KCNAB2: variants seen among roughly 807,000 people sequenced by gnomAD.
KCNAB2 encodes potassium voltage-gated channel subfamily A regulatory beta subunit 2.
KCNAB2 carries 29 observed loss-of-function variants against 63.6 expected under a neutral mutation model. The observed-to-expected ratio is 0.46, with a 90% CI of 0.34 to 0.62. KCNAB2 has a LOEUF of 0.62. Among genes scored for constraint, KCNAB2 ranks in the 20% least tolerant of loss-of-function variants. KCNAB2 has a pLI of 0.01. For synonymous variants in KCNAB2, 222 were observed against 224.2 expected (o/e 0.99, Z 0.09); for missense variants, 359 against 563.9 (o/e 0.64, Z 3.68).
At chr1:6,092,155 G>GTT (rs543835184) in intron 10 of KCNAB2, among the ~76,000 whole-genome samples, 7 of 152,348 alleles carry the variant, frequency 4.6e-5, no homozygotes, top group African/African-American at 1.7e-4. Flanking sequence ...TCCTACTTCC[G>GTT]TTCAACCCCA....
rs556886212 is a variant in KCNAB2 at position 6,099,588 on chromosome 1, G to A, written c.*1014G>A. 1.7e-5 allele frequency: 10 copies of A among 589,280 alleles called. No individual in the cohort carries two copies. Among genetic ancestry groups the A allele is most frequent in the African/African-American group, 9.4e-5 (5 of 53,286 alleles). 36.5% of individuals were successfully genotyped at this position (589,280 alleles called of 1,614,324 possible). ...GCCCCTGTAGACTTTCTCTAAAGCC[G>A]CCCGCCAGCCCAGGCCGCTGCTCTG... On this transcript the variant is annotated 3_prime_UTR_variant, in exon 16 of 16. Coordinates refer to ENST00000378083, the MANE Select transcript of KCNAB2 (RefSeq NM_001199862.2).
At chr1:6,088,939 A>G (rs1011277890) in intron 7 of KCNAB2, 69 bp from the exon 8 acceptor site, 1 of 1,434,340 alleles carries the variant, frequency 7.0e-7, no homozygotes, top group East Asian at 2.5e-5. Flanking sequence ...TGCATCGTAA[A>G]CGTTTTTTGG....
chr1:6,040,445 C>A (rs971454534), intron 1 of KCNAB2: 3 of 814,404 alleles, frequency 3.7e-6, no homozygotes, highest in Non-Finnish European at 6.3e-6. Flanking sequence ...ATCCCAGAGT[C>A]TCCCGGCCAA....
chr1:6,079,543 C>G (rs1664018600), intron 4 of KCNAB2, among the ~76,000 whole-genome samples: 1 of 151,938 alleles, frequency 6.6e-6, no homozygotes, highest in African/African-American at 2.4e-5. Context: ...TAACCCCAGT[C>G]TTGGATATTC....
rs1454200238 is a variant in KCNAB2, at chr1:6,100,678, A to C, written c.*2104A>C. The C allele has an allele frequency of 3.3e-5, 5 of 152,294 alleles. No individual in the cohort carries two copies. Among genetic ancestry groups the C allele is most frequent in the African/African-American group, 4.8e-5 (2 of 41,468 alleles). The allele number at this position is 152,294 out of a possible 1,614,324, so 9.4% of individuals were successfully genotyped here. On this transcript the variant is annotated 3_prime_UTR_variant, in exon 16 of 16. Transcript: ENST00000378083. Reference sequence around the variant, plus strand: ...GCCAAACACAGAGAGGCCAGGCCCCAGTGTCAGGATGCAGTCAGCCTCTGG... The same window carrying C: ...GCCAAACACAGAGAGGCCAGGCCCCCGTGTCAGGATGCAGTCAGCCTCTGG...
intron 2 of KCNAB2, among the ~76,000 whole-genome samples, chr1:6,059,699 A>G (rs1662144944): frequency 6.6e-6 from 1 of 152,156 alleles, no homozygotes; most frequent in South Asian, 2.1e-4. Flanking sequence ...GGAGAGTTGC[A>G]TGGGAAACAG....
intron 4 of KCNAB2, 22 bp from the exon 5 acceptor site, chr1:6,082,173 A>C (rs777546989): frequency 1.2e-6 from 2 of 1,606,284 alleles, no homozygotes; most frequent in East Asian, 2.2e-5. Flanking sequence ...CTGGCAGGAC[A>C]GTGTCGGTTT....
chr1:6,094,830 G>A (rs948908417), intron 11 of KCNAB2, among the ~76,000 whole-genome samples: 1 of 152,242 alleles, frequency 6.6e-6, no homozygotes, highest in Non-Finnish European at 1.5e-5. Context: ...ATGCCCTGGA[G>A]CTCAGCAAGC....
At chr1:6,075,687 G>A (rs540200450) in intron 4 of KCNAB2, among the ~76,000 whole-genome samples, 2 of 152,372 alleles carry the variant, frequency 1.3e-5, no homozygotes, top group African/African-American at 4.8e-5. Context: ...AGGGAAGCAA[G>A]GACCGTCCTG....
chr1:6,079,684 C>T (rs2871871), intron 4 of KCNAB2, among the ~76,000 whole-genome samples: 15,100 of 152,080 alleles, frequency 0.099, 862 homozygotes, highest in African/African-American at 0.13. Context: ...TTCATAAATA[C>T]CAGAGAATGA....
intron 1 of KCNAB2, among the ~76,000 whole-genome samples, chr1:6,021,437 A>C (rs962460061): frequency 6.6e-6 from 1 of 152,236 alleles, no homozygotes; most frequent in Non-Finnish European, 1.5e-5. Context: ...GTAAAGGTAC[A>C]TATAAAATGT....
rs1260757385 is a variant in KCNAB2, at chr1:6,096,215, C to T, written c.949-421C>T. On this transcript the variant is annotated intron_variant, in intron 13 of 15. Coordinates refer to ENST00000378083, the MANE Select transcript of KCNAB2 (RefSeq NM_001199862.2). This position sits in a 1 kb window ranked among gnomAD's most constrained non-coding sequence, Gnocchi z 5.9. Reference sequence around the variant, plus strand: ...CCATCCCATGGCAAGGTCAGGGCCCCCCTCCAGGAGGCCCTGCAATCCTCT... The same window carrying T: ...CCATCCCATGGCAAGGTCAGGGCCCTCCTCCAGGAGGCCCTGCAATCCTCT... The T allele has an allele frequency of 2.2e-6, 1 of 454,100 alleles. No homozygotes were observed. The highest frequency in any genetic ancestry group is 4.4e-6 in the Non-Finnish European group (1 of 227,084). 28.1% of individuals were successfully genotyped at this position (454,100 alleles called of 1,614,324 possible).
At chr1:6,058,752 G>C (rs1194012221) in intron 2 of KCNAB2, among the ~76,000 whole-genome samples, 1 of 152,276 alleles carries the variant, frequency 6.6e-6, no homozygotes, top group African/African-American at 2.4e-5. Context: ...CAGGAGGAGG[G>C]AGGGAGGCGA....
At chr1:6,077,157 G>A (rs1485067448) in intron 4 of KCNAB2, among the ~76,000 whole-genome samples, 1 of 151,900 alleles carries the variant, frequency 6.6e-6, no homozygotes, top group Non-Finnish European at 1.5e-5. Context: ...CTGCACTCCA[G>A]CCTGGATGAC....
chr1:6,032,762 G>A (rs185275568), upstream of KCNAB2, among the ~76,000 whole-genome samples: 10 of 152,278 alleles, frequency 6.6e-5, 1 homozygote, highest in Middle Eastern at 3.4e-3. Flanking sequence ...CTGCCTGGAC[G>A]CATGAAAAGG....
chr1:6,087,661 G>A lies in KCNAB2; in HGVS notation c.470+150G>A, dbSNP rs1664819821. Reference sequence around the variant, plus strand: ...AGTGGTCGGGGTCTGTCCTGGACAGGCCCCGGCCCAGTGCCATTTCCTGTC... The same window carrying A: ...AGTGGTCGGGGTCTGTCCTGGACAGACCCCGGCCCAGTGCCATTTCCTGTC... On this transcript the variant is annotated intron_variant, in intron 7 of 15. Coordinates refer to ENST00000378083, the MANE Select transcript of KCNAB2 (RefSeq NM_001199862.2). This position sits in a 1 kb window ranked among gnomAD's most constrained non-coding sequence, Gnocchi z 6.4. 2.5e-6 allele frequency: 2 copies of A among 786,568 alleles called. No homozygotes were observed. The highest frequency in any genetic ancestry group is 1.6e-5 in the South Asian group (1 of 63,982). 48.7% of individuals were successfully genotyped at this position (786,568 alleles called of 1,614,324 possible).
intron 2 of KCNAB2, among the ~76,000 whole-genome samples, chr1:6,065,607 G>A (rs573966070): frequency 6.6e-6 from 1 of 152,252 alleles, no homozygotes; most frequent in East Asian, 1.9e-4. Context: ...ACCAGAGAGA[G>A]CCCTCCCTTC....
chr1:6,048,095 C>A (rs1347283826), intron 1 of KCNAB2, among the ~76,000 whole-genome samples: 2 of 152,232 alleles, frequency 1.3e-5, no homozygotes, highest in African/African-American at 4.8e-5. Context: ...CCACTCACAT[C>A]CCCAAACTCA....
Position 6,072,759 on chromosome 1 carries a change from C to T in KCNAB2, c.223C>T (p.Leu75=). ...AQRTGMKYRN[L]GKSGLRVSCL... ...CACGTGGCGTTTGTTTTTCAGGAAC[C>T]TGGGCAAGTCTGGCCTGCGGGTCTC... The change falls in exon 3 of 16, where the codon CTG becomes TTG. Residue 75 remains leucine, a synonymous_variant. Transcript: ENST00000378083. The T allele has an allele frequency of 6.2e-7, 1 of 1,613,842 alleles. No individual in the cohort carries two copies.
Sources: allele counts gnomAD v4.1 joint callset (sites outside exome capture counted in the v4.1 genomes callset), GRCh38; gene constraint gnomAD v4.1.1; non-coding constraint Gnocchi (gnomAD v3.1); transcripts MANE v1.5; gene names NCBI Gene and HGNC (gene_info 2026-07-23, HGNC 2026-07-21).